The following PTPRJ variants were observed in gnomAD, a reference collection of about 807,000 sequenced individuals.
The protein encoded by PTPRJ is receptor-type tyrosine-protein phosphatase eta.
A neutral mutation model predicts 141.3 loss-of-function variants in PTPRJ; 129 were observed. The observed-to-expected ratio is 0.91, with a 90% CI of 0.79 to 1.06. The LOEUF is 1.06. Among genes scored for constraint, PTPRJ ranks in the 50% least tolerant of loss-of-function variants. The probability of loss-of-function intolerance (pLI) is 0.00; values close to 1 mark genes in which losing one functional copy is unlikely to be tolerated. For missense variants in PTPRJ, 1,601 were observed against 1,679.7 expected (o/e 0.95, Z 0.82); for synonymous variants, 610 against 640.5 (o/e 0.95, Z 0.72).
intron 2 of PTPRJ, among the ~76,000 whole-genome samples, chr11:48,110,330 G>A (rs1223717959): frequency 1.3e-5 from 2 of 151,924 alleles, no homozygotes; most frequent in African/African-American, 4.8e-5. Flanking sequence ...CCTCAGCCTA[G>A]CAAGTAGCTG....
chr11:48,005,296 C>G (rs1289476560), intron 1 of PTPRJ, among the ~76,000 whole-genome samples: 1 of 151,956 alleles, frequency 6.6e-6, no homozygotes, highest in East Asian at 1.9e-4. Context: ...CTGTCTAGTT[C>G]CAGAATATTT....
intron 1 of PTPRJ, among the ~76,000 whole-genome samples, chr11:48,093,556 C>T (rs1489718285): frequency 7.2e-5 from 11 of 152,102 alleles, no homozygotes. Context: ...ATGAGTCAGA[C>T]TTTTATTGAT....
chr11:48,087,662 C>T (rs1189959891), intron 1 of PTPRJ, among the ~76,000 whole-genome samples: 1 of 152,176 alleles, frequency 6.6e-6, no homozygotes, highest in Non-Finnish European at 1.5e-5. Flanking sequence ...AACCCATAGA[C>T]GATGGTCATG....
In PTPRJ at chr11:48,128,023, G is replaced by A. The variant is rs140439773; in HGVS notation, c.1337G>A (p.Gly446Asp). ...PVLGDIEGTP[G>D]FLQVHTPPVP... ...CTAGGTGACATCGAGGGCACGCCGGGCTTCCTCCAAGTGCACACCCGTGAG... is the reference window on the plus strand; with the variant it reads ...CTAGGTGACATCGAGGGCACGCCGGACTTCCTCCAAGTGCACACCCGTGAG... The change falls in exon 7 of 25, where the codon GGC becomes GAC. Residue 446 changes from glycine to aspartate, a missense_variant. By Grantham distance (94) the Gly-to-Asp change is moderately conservative. Transcript: ENST00000418331. 2.5e-6 allele frequency: 4 copies of A among 1,613,102 alleles called. No homozygotes were observed. Among genetic ancestry groups the A allele is most frequent in the Non-Finnish European group, 3.4e-6 (4 of 1,179,284 alleles).
chr11:48,052,687 G>A (rs1854605663), intron 1 of PTPRJ, among the ~76,000 whole-genome samples: 1 of 152,180 alleles, frequency 6.6e-6, no homozygotes, highest in Non-Finnish European at 1.5e-5. Context: ...GCAGGGTACA[G>A]AGAAGAGCTT....
chr11:48,144,968 G>A, intron 13 of PTPRJ, 32 bp from the exon 14 acceptor site: 1 of 1,614,140 alleles, frequency 6.2e-7, no homozygotes, highest in Non-Finnish European at 8.5e-7. Flanking sequence ...ACACGTCTCA[G>A]GGACCTCTTT....
intron 1 of PTPRJ, among the ~76,000 whole-genome samples, chr11:48,039,349 A>G (rs545844791): frequency 1.5e-4 from 23 of 151,722 alleles, no homozygotes; most frequent in Non-Finnish European, 3.2e-4. Flanking sequence ...AAAAAAAAAA[A>G]CAACAAACTG....
At chr11:48,141,989 G>A (rs1857241777) in intron 11 of PTPRJ, among the ~76,000 whole-genome samples, 1 of 148,158 alleles carries the variant, frequency 6.7e-6, no homozygotes, top group Middle Eastern at 3.2e-3. Context: ...TAGGTCTAAT[G>A]TTTAAGGCTT....
intron 1 of PTPRJ, among the ~76,000 whole-genome samples, chr11:48,037,444 A>C (rs765664942): frequency 6.6e-6 from 1 of 152,322 alleles, no homozygotes; most frequent in South Asian, 2.1e-4. Flanking sequence ...TCTGGAAGCC[A>C]GTAAGTCCCA....
Position 48,121,289 on chromosome 11 carries a change from A to G in PTPRJ, c.616+23A>G, listed in dbSNP as rs998617544. ...CAGGTAAGATGACTGGCTCCCAGGG[A>G]TGATGACAAACCATTTCTTATTATG... is the stretch of plus-strand genomic sequence containing the variant. On this transcript the variant is annotated intron_variant, in intron 4 of 24. Transcript: ENST00000418331. 2.5e-6 allele frequency: 4 copies of G among 1,609,910 alleles called. No individual in the cohort carries two copies. In the African/African-American group the frequency reaches 5.3e-5, roughly 22 times the overall value.
In PTPRJ at chr11:48,155,890, G is replaced by C. The variant is rs781363675; in HGVS notation, c.3303+16G>C. 2.5e-6 allele frequency: 4 copies of C among 1,595,876 alleles called. No homozygotes were observed. The African/African-American group carries it at 4.0e-5, about 16-fold the overall frequency. ...CTACATGCCTGTAAGTTGGGGGACG[G>C]TCTCACAGCACTGGACTGTTTCGAT... On this transcript the variant is annotated intron_variant, in intron 20 of 24. Transcript: ENST00000418331.
chr11:48,145,071 G>T lies in PTPRJ; in HGVS notation c.2858G>T (p.Ser953Ile). 1.9e-6 allele frequency: 3 copies of T among 1,614,232 alleles called. No individual in the cohort carries two copies. Among genetic ancestry groups the T allele is most frequent in the Non-Finnish European group, 1.7e-6 (2 of 1,180,034 alleles). ...QNKGLIDGAE[S>I]YVSFSRYSDA... ...AAGGGGCTCATTGATGGGGCTGAGA[G>T]CTATGTGTCCTTCAGTCGCTACTCA... The change falls in exon 14 of 25, where the codon AGC becomes ATC. Residue 953 changes from serine (S) to isoleucine (I), a missense_variant. Coordinates refer to ENST00000418331, the MANE Select transcript of PTPRJ (RefSeq NM_002843.4).
In PTPRJ at chr11:48,168,529, A is replaced by G. The variant is rs1461037788; in HGVS notation, c.*1167A>G. On this transcript the variant is annotated 3_prime_UTR_variant, in exon 25 of 25. Coordinates refer to ENST00000418331, the MANE Select transcript of PTPRJ (RefSeq NM_002843.4). ...TCTGCCGTGACACATATCGGAATCT[A>G]CTGTGTATATATATATATATATATA... 1.8e-4 allele frequency: 12 copies of G among 67,772 alleles called. 1 individual carries two copies. The highest frequency in any genetic ancestry group is 7.7e-4 in the African/African-American group (12 of 15,590). The allele number at this position is 67,772 out of a possible 1,614,324, so 4.2% of individuals were successfully genotyped here.
intron 1 of PTPRJ, among the ~76,000 whole-genome samples, chr11:47,994,713 A>T (rs1289528657): frequency 6.6e-6 from 1 of 152,124 alleles, no homozygotes; most frequent in Non-Finnish European, 1.5e-5. Context: ...ATTGAGGTGG[A>T]TGTCTCCCTA....
At chr11:47,998,201 C>T (rs144261114) in intron 1 of PTPRJ, among the ~76,000 whole-genome samples, 53 of 151,744 alleles carry the variant, frequency 3.5e-4, no homozygotes, top group African/African-American at 1.3e-3. Flanking sequence ...GTGCTGGGCT[C>T]TCATTTTATC....
At chr11:48,101,408 C>G (rs1411692035) in intron 1 of PTPRJ, among the ~76,000 whole-genome samples, 1 of 152,186 alleles carries the variant, frequency 6.6e-6, no homozygotes, top group African/African-American at 2.4e-5. Flanking sequence ...TGGAAGGACC[C>G]AGGTGACTGC....
chr11:48,126,170 TC>T (rs1161094208), intron 6 of PTPRJ, among the ~76,000 whole-genome samples: 3 of 152,160 alleles, frequency 2.0e-5, no homozygotes, highest in African/African-American at 7.2e-5. Flanking sequence ...CAGGGCTGGG[TC>T]CAGCCAGGGG....
intron 1 of PTPRJ, among the ~76,000 whole-genome samples, chr11:48,080,542 T>C (rs2134284394): frequency 6.6e-6 from 1 of 152,318 alleles, no homozygotes; most frequent in Admixed American, 6.5e-5. Flanking sequence ...CTGTTTCCAG[T>C]GTCCAATCCA....
chr11:48,020,130 T>C (rs776697216), intron 1 of PTPRJ, among the ~76,000 whole-genome samples: 2 of 152,116 alleles, frequency 1.3e-5, no homozygotes, highest in South Asian at 2.1e-4. Flanking sequence ...TAATTTATAG[T>C]GTTGTTCTTT....
Sources: gnomAD v4.1 joint callset for allele counts (sites outside exome capture counted in the v4.1 genomes callset) on GRCh38, gnomAD v4.1.1 for gene constraint, MANE v1.5 for transcripts, NCBI Gene and HGNC (gene_info 2026-07-23, HGNC 2026-07-21) for gene names.